PTH: variants seen among roughly 807,000 people sequenced by gnomAD.
The protein encoded by PTH is parathormone.
A neutral mutation model predicts 7.4 loss-of-function variants in PTH; 7 were observed. The observed-to-expected ratio is 0.94, with a 90% CI of 0.53 to 1.77. PTH has a LOEUF of 1.77. Among genes scored for constraint, PTH ranks in the 40% most tolerant of loss-of-function variants. The pLI, the probability that PTH is intolerant of heterozygous loss-of-function variation, is 0.00. For synonymous variants in PTH, 51 were observed against 46.6 expected (o/e 1.09, Z -0.39); for missense variants, 128 against 137.1 (o/e 0.93, Z 0.33).
rs1847482526 is a variant in PTH at position 13,492,287 on chromosome 11, T to C, written c.*118A>G. 4 of 1,251,688 alleles carry C rather than the reference T, an allele frequency of 3.2e-6. No homozygotes were observed. In the African/African-American group the frequency reaches 5.9e-5, roughly 19 times the overall value. 77.5% of individuals were successfully genotyped at this position (1,251,688 alleles called of 1,614,324 possible). Reference sequence around the variant, plus strand: ...ATCATGGCTAGTGATGGATTACATGTAGTTTGTTATATCAGAAATATTGGC... The same window carrying C: ...ATCATGGCTAGTGATGGATTACATGCAGTTTGTTATATCAGAAATATTGGC... On this transcript the variant is annotated 3_prime_UTR_variant, in exon 3 of 3. Transcript: ENST00000282091.
Position 13,492,818 on chromosome 11 carries a change from A to G in PTH, c.38T>C (p.Val13Ala), listed in dbSNP as rs2134093288. ...TGTAAGAAAACAAATTGCCAACATG[A>G]CAATCATAACTTTAGCCATGTCTTT... ...PAKDMAKVMI[V>A]MLAICFLTKS... is the part of the protein sequence containing the mutation. Residue 13 changes from valine (V) to alanine (A), a missense_variant, in exon 2 of 3, where the codon GTC becomes GCC. Val to Ala is a moderately conservative substitution (Grantham distance 64). Coordinates refer to ENST00000282091, the MANE Select transcript of PTH (RefSeq NM_000315.4). 2 of 1,614,044 alleles carry G rather than the reference A, an allele frequency of 1.2e-6. No homozygotes were observed. The highest frequency in any genetic ancestry group is 2.2e-5 in the South Asian group (2 of 91,082).
Position 13,492,554 on chromosome 11 carries a change from C to T in PTH, c.199G>A (p.Ala67Thr), listed in dbSNP as rs1383913477. The change falls in exon 3 of 3, where the codon GCC becomes ACC. Residue 67 changes from alanine (A) to threonine (T), a missense_variant. Transcript: ENST00000282091. ...KKLQDVHNFV[A>T]LGAPLAPRDA... ...CTGGGAGCTAGAGGAGCTCCAAGGG[C>T]AACAAAATTGTGCACATCCTGCAGC... 1 of 1,614,138 alleles carries T rather than the reference C, an allele frequency of 6.2e-7. No homozygotes were observed. Among genetic ancestry groups the T allele is most frequent in the Admixed American group, 1.7e-5 (1 of 60,006 alleles).
Position 13,492,868 on chromosome 11 carries a change from G to T in PTH, c.-5-8C>A. 6.2e-7 allele frequency: 1 copy of T among 1,607,590 alleles called. No individual in the cohort carries two copies. The highest frequency in any genetic ancestry group is 8.5e-7 in the Non-Finnish European group (1 of 1,174,942). On this transcript the variant is annotated splice_polypyrimidine_tract_variant and splice_region_variant and intron_variant, in intron 1 of 2. Transcript: ENST00000282091. ...TTGCAGGTATCATCTTCACTAAAAG[G>T]ACAAGCAAAATGGAGGTATTTTAAA...
At chr11:13,495,357 A>G (rs928715788) in intron 1 of PTH, among the ~76,000 whole-genome samples, 1 of 152,220 alleles carries the variant, frequency 6.6e-6, no homozygotes, top group African/African-American at 2.4e-5. Context: ...AAACTGCATC[A>G]TTTAGAAATA....
At chr11:13,492,726 A>C (rs1397522525) in intron 2 of PTH, 44 bp downstream of exon 2, 1 of 1,613,892 alleles carries the variant, frequency 6.2e-7, no homozygotes, top group South Asian at 1.1e-5. Flanking sequence ...CGAAATGATA[A>C]AGTCAACATT....
rs76760723 is a variant in PTH, at chr11:13,492,477, C to T, written c.276G>A (p.Glu92=). The T allele has an allele frequency of 2.6e-3, 4,167 of 1,614,114 alleles. 90 individuals carry two copies. In the African/African-American group the frequency reaches 0.05, roughly 19 times the overall value. Residue 92 remains glutamate, a synonymous_variant, in exon 3 of 3, where the codon GAG becomes GAA. Coordinates refer to ENST00000282091, the MANE Select transcript of PTH (RefSeq NM_000315.4). ...PRKKEDNVLV[E]SHEKSLGEAD... is the part of the protein sequence containing the mutation. ...CCTCTCCAAGACTTTTTTCATGGCT[C>T]TCAACCAAGACATTGTCTTCCTTTT... is the stretch of plus-strand genomic sequence containing the variant.
chr11:13,492,376 C>CAG lies in PTH; in HGVS notation c.*27_*28dup. ...TATTGTTGCCCTACACTGTCTAGAGCAGAACTCTGACAATATCTGTTTTCA... is the reference window on the plus strand; with the variant it reads ...TATTGTTGCCCTACACTGTCTAGAGCAGAGAACTCTGACAATATCTGTTTTCA... On this transcript the variant is annotated 3_prime_UTR_variant, in exon 3 of 3. Coordinates refer to ENST00000282091, the MANE Select transcript of PTH (RefSeq NM_000315.4). 1.2e-6 allele frequency: 2 copies of CAG among 1,606,044 alleles called. No individual in the cohort carries two copies. Among genetic ancestry groups the CAG allele is most frequent in the Non-Finnish European group, 1.7e-6 (2 of 1,179,754 alleles).
chr11:13,492,339 A>G lies in PTH; in HGVS notation c.*66T>C, dbSNP rs1847483571. On this transcript the variant is annotated 3_prime_UTR_variant, in exon 3 of 3. Coordinates refer to ENST00000282091, the MANE Select transcript of PTH (RefSeq NM_000315.4). Reference sequence around the variant, plus strand: ...CTTGGAAATCTTAATAGAGCTTTGAATTAGCAGCATGTATTGTTGCCCTAC... The same window carrying G: ...CTTGGAAATCTTAATAGAGCTTTGAGTTAGCAGCATGTATTGTTGCCCTAC... The G allele has an allele frequency of 3.2e-6, 5 of 1,586,060 alleles. No individual in the cohort carries two copies. The highest frequency in any genetic ancestry group is 1.7e-4 in the Middle Eastern group (1 of 6,038).
chr11:13,494,551 T>A (rs770787845), intron 1 of PTH, among the ~76,000 whole-genome samples: 1 of 152,086 alleles, frequency 6.6e-6, no homozygotes, highest in Non-Finnish European at 1.5e-5. Flanking sequence ...TCACCAAATG[T>A]TCTGCAAAAA....
rs923216818 is a variant in PTH, at chr11:13,492,617, G to A, written c.136C>T (p.Leu46=). 2 of 1,614,140 alleles carry A rather than the reference G, an allele frequency of 1.2e-6. No individual in the cohort carries two copies. The highest frequency in any genetic ancestry group is 4.5e-5 in the East Asian group (2 of 44,888). The change falls in exon 3 of 3, where the codon CTG becomes TTG. Residue 46 remains leucine, a synonymous_variant. Transcript: ENST00000282091. ...CATTCTACTCTCTCCATCGAGTTCA[G>A]ATGTTTTCCCAGGTTATGCATAAGC... The part of the protein sequence containing the change: ...IQLMHNLGKH[L]NSMERVEWLR...
Position 13,492,839 on chromosome 11 carries a change from T to A in PTH, c.17A>T (p.Asp6Val). The A allele has an allele frequency of 1.2e-6, 2 of 1,613,900 alleles. No homozygotes were observed. Among genetic ancestry groups the A allele is most frequent in the Non-Finnish European group, 1.7e-6 (2 of 1,179,900 alleles). MIPAKDMAKVMIVMLA... is the reference protein window; with the variant it reads MIPAKVMAKVMIVMLA... The stretch of plus-strand genomic sequence containing the variant: ...CATGACAATCATAACTTTAGCCATG[T>A]CTTTTGCAGGTATCATCTTCACTAA... Residue 6 changes from aspartate to valine, a missense_variant, in exon 2 of 3, where the codon GAC becomes GTC. Coordinates refer to ENST00000282091, the MANE Select transcript of PTH (RefSeq NM_000315.4).
chr11:13,492,741 A>G, intron 2 of PTH, 29 bp downstream of exon 2: 1 of 1,613,990 alleles, frequency 6.2e-7, no homozygotes, highest in Non-Finnish European at 8.5e-7. Flanking sequence ...AACATTAAAA[A>G]TCCAATTCCA....
chr11:13,494,093 TC>T (rs1433805275), intron 1 of PTH, among the ~76,000 whole-genome samples: 4 of 152,188 alleles, frequency 2.6e-5, no homozygotes, highest in African/African-American at 9.7e-5. Flanking sequence ...GTTTTTTTTT[TC>T]TTCTCATTGC....
At chr11:13,493,008 A>G in intron 1 of PTH, 148 bp from the exon 2 acceptor site, 4 of 719,042 alleles carry the variant, frequency 5.6e-6, no homozygotes, top group South Asian at 2.0e-5. Flanking sequence ...ATTAGTATAC[A>G]TTATATATAC....
chr11:13,495,113 T>C lies in PTH; in HGVS notation c.-6+798A>G, dbSNP rs553072107. On this transcript the variant is annotated intron_variant, in intron 1 of 2. Transcript: ENST00000282091. ...CTTGTGATATGGATTTCGAGCTTTATCTCTGAATGGAATGCTTGTTTGTAG... is the reference window on the plus strand; with the variant it reads ...CTTGTGATATGGATTTCGAGCTTTACCTCTGAATGGAATGCTTGTTTGTAG... 3.9e-5 allele frequency among the ~76,000 whole-genome samples: 6 copies of C among 152,318 alleles called. No homozygotes were observed. The South Asian group carries it at 1.2e-3, about 32-fold the overall frequency.
At chr11:13,493,264 AAT>A in intron 1 of PTH, among the ~76,000 whole-genome samples, 1 of 152,278 alleles carries the variant, frequency 6.6e-6, no homozygotes, top group South Asian at 2.1e-4. Flanking sequence ...TTGTCTCTGA[AAT>A]AATTCCTAAT....
chr11:13,494,988 C>T (rs1418973534), intron 1 of PTH, among the ~76,000 whole-genome samples: 1 of 152,178 alleles, frequency 6.6e-6, no homozygotes, highest in Non-Finnish European at 1.5e-5. Flanking sequence ...AAATACCAAA[C>T]TAATAGGTGC....
At chr11:13,494,845 A>T (rs1342758417) in intron 1 of PTH, among the ~76,000 whole-genome samples, 2 of 152,162 alleles carry the variant, frequency 1.3e-5, no homozygotes, top group African/African-American at 2.4e-5. Flanking sequence ...ACTGCATTTT[A>T]TGTTGATTAT....
chr11:13,492,620 G>A lies in PTH; in HGVS notation c.133C>T (p.His45Tyr). Residue 45 changes from histidine (H) to tyrosine (Y), a missense_variant, in exon 3 of 3, where the codon CAT becomes TAT. By Grantham distance (83) the His-to-Tyr change is moderately conservative. Transcript: ENST00000282091. ...TCTACTCTCTCCATCGAGTTCAGAT[G>A]TTTTCCCAGGTTATGCATAAGCTGT... is the stretch of plus-strand genomic sequence containing the variant. ...EIQLMHNLGKHLNSMERVEWL... is the reference protein window; with the variant it reads ...EIQLMHNLGKYLNSMERVEWL... The A allele has an allele frequency of 1.9e-6, 3 of 1,614,094 alleles. No individual in the cohort carries two copies. Among genetic ancestry groups the A allele is most frequent in the Non-Finnish European group, 2.5e-6 (3 of 1,180,014 alleles).
Sources: allele counts gnomAD v4.1 joint callset (sites outside exome capture counted in the v4.1 genomes callset), GRCh38; gene constraint gnomAD v4.1.1; transcripts MANE v1.5; gene names NCBI Gene and HGNC (gene_info 2026-07-23, HGNC 2026-07-21).